The following SLC17A1 variants were observed in gnomAD, a reference collection of about 807,000 sequenced individuals.
SLC17A1 encodes sodium-dependent phosphate transport protein 1.
In SLC17A1, 51 loss-of-function variants were observed where a neutral mutation model predicts 53.5. The observed-to-expected ratio is 0.95, with a 90% CI of 0.76 to 1.20. SLC17A1 has a LOEUF of 1.20. SLC17A1 is among the 50% of genes most tolerant of loss of function. SLC17A1 has a pLI of 0.00. For missense variants in SLC17A1, 538 were observed against 568.2 expected, an observed-to-expected ratio of 0.95 and a Z score of 0.54; for synonymous variants, 179 against 198.8, an observed-to-expected ratio of 0.90 and a Z score of 0.84.
At chr6:25,742,509 A>T in the SLC17A1 span, among the ~76,000 whole-genome samples, 1 of 96,510 alleles carries the variant, frequency 1.0e-5, no homozygotes, top group Non-Finnish European at 2.1e-5. Flanking sequence ...ACAAAAAACA[A>T]TACAAAAAAA....
chr6:25,809,490 C>G (rs190862885), intron 10 of SLC17A1, among the ~76,000 whole-genome samples: 1 of 152,062 alleles, frequency 6.6e-6, no homozygotes, highest in Non-Finnish European at 1.5e-5. Flanking sequence ...TATCCACACA[C>G]ACACACACAA....
the SLC17A1 span, chr6:25,773,522 C>T: frequency 6.2e-7 from 1 of 1,613,806 alleles, no homozygotes; most frequent in African/African-American, 1.3e-5. Flanking sequence ...GGACTGTTCA[C>T]CAGGCTGGTC....
chr6:25,778,929 G>A (rs1561816569), downstream of SLC17A1: 2 of 1,220,812 alleles, frequency 1.6e-6, no homozygotes, highest in Non-Finnish European at 2.3e-6. Context: ...GGACCAACTG[G>A]GAAGCCCATG....
chr6:25,734,978 A>G, the SLC17A1 span, among the ~76,000 whole-genome samples: 1 of 152,228 alleles, frequency 6.6e-6, no homozygotes, highest in Admixed American at 6.5e-5. Flanking sequence ...ATTGGAAATC[A>G]ACAGTTCTCA....
intron 6 of SLC17A1, among the ~76,000 whole-genome samples, chr6:25,814,736 C>T (rs1199846782): frequency 6.6e-6 from 1 of 152,166 alleles, no homozygotes; most frequent in Non-Finnish European, 1.5e-5. Context: ...GTAATCCCAG[C>T]ACTTTGGAAG....
chr6:25,769,331 T>G, the SLC17A1 span: 8 of 807,988 alleles, frequency 9.9e-6, no homozygotes, highest in Non-Finnish European at 1.3e-5. Context: ...TACCTAAGTA[T>G]CAGGCCGAGC....
intron 2 of SLC17A1, among the ~76,000 whole-genome samples, chr6:25,829,461 T>C (rs979643895): frequency 2.0e-5 from 3 of 152,146 alleles, no homozygotes; most frequent in Admixed American, 6.5e-5. Context: ...GGGAAGTGAA[T>C]GGATCTAGAA....
chr6:25,750,417 G>C, the SLC17A1 span, among the ~76,000 whole-genome samples: 3 of 152,124 alleles, frequency 2.0e-5, no homozygotes, highest in Non-Finnish European at 4.4e-5. Flanking sequence ...AGGAAATTGA[G>C]AGAAACTAAA....
At chr6:25,797,429 C>A (rs1428568393) in intron 12 of SLC17A1, among the ~76,000 whole-genome samples, 1 of 152,142 alleles carries the variant, frequency 6.6e-6, no homozygotes, top group Admixed American at 6.5e-5. Flanking sequence ...TTCAAATGGT[C>A]ACTCCCTGCC....
At chr6:25,759,034 C>A in the SLC17A1 span, among the ~76,000 whole-genome samples, 2 of 152,074 alleles carry the variant, frequency 1.3e-5, no homozygotes, top group Non-Finnish European at 2.9e-5. Flanking sequence ...TTTTAATTTT[C>A]ATCTTGATTT....
intron 11 of SLC17A1, 88 bp downstream of exon 11, chr6:25,800,801 TG>T (rs549918973): frequency 3.7e-4 from 296 of 802,388 alleles, no homozygotes; most frequent in Admixed American, 1.6e-3. Flanking sequence ...CATCTCCTTC[TG>T]GCATCTTCTC....
the SLC17A1 span, among the ~76,000 whole-genome samples, chr6:25,761,520 A>G: frequency 6.6e-6 from 1 of 152,204 alleles, no homozygotes; most frequent in Non-Finnish European, 1.5e-5. Flanking sequence ...GCTATATTTT[A>G]TGTAATATGT....
the SLC17A1 span, chr6:25,726,390 T>G: frequency 1.1e-5 from 17 of 1,614,174 alleles, no homozygotes; most frequent in Admixed American, 6.7e-5. Flanking sequence ...CTGGTGCGCC[T>G]GCCCCTATCC....
At chr6:25,782,092 A>T (rs1272436282), downstream of SLC17A1, among the ~76,000 whole-genome samples, 1 of 152,162 alleles carries the variant, frequency 6.6e-6, no homozygotes, top group Non-Finnish European at 1.5e-5. Context: ...GAATTATGAG[A>T]GATGGTGTGA....
the SLC17A1 span, chr6:25,727,058 C>T: frequency 5.0e-6 from 8 of 1,614,220 alleles, no homozygotes; most frequent in Non-Finnish European, 5.9e-6. Flanking sequence ...TAAAGCAGGT[C>T]CATCCGGACA....
chr6:25,815,607 A>G (rs985549138), intron 6 of SLC17A1, among the ~76,000 whole-genome samples: 1 of 152,116 alleles, frequency 6.6e-6, no homozygotes, highest in African/African-American at 2.4e-5. Flanking sequence ...TCGCTATAGG[A>G]AAAATTCTCC....
At chr6:25,765,865 A>G in the SLC17A1 span, among the ~76,000 whole-genome samples, 1 of 152,124 alleles carries the variant, frequency 6.6e-6, no homozygotes, top group African/African-American at 2.4e-5. Context: ...AAAAAATTGG[A>G]TTAAAAATAC....
chr6:25,728,460 CTTCAT>C, the SLC17A1 span, among the ~76,000 whole-genome samples: 13 of 152,154 alleles, frequency 8.5e-5, no homozygotes, highest in African/African-American at 3.1e-4. Flanking sequence ...TTTAACGCAT[CTTCAT>C]TTAACCTTTA....
chr6:25,739,284 T>G, the SLC17A1 span, among the ~76,000 whole-genome samples: 1 of 152,324 alleles, frequency 6.6e-6, no homozygotes, highest in Non-Finnish European at 1.5e-5. Flanking sequence ...GCAAGCTTTC[T>G]GGATTCGCTT....
Sources: allele counts gnomAD v4.1 joint callset (sites outside exome capture counted in the v4.1 genomes callset), GRCh38; gene constraint gnomAD v4.1.1; transcripts MANE v1.5; gene names NCBI Gene and HGNC (gene_info 2026-07-23, HGNC 2026-07-21).